ZNF805: variants seen among roughly 807,000 people sequenced by gnomAD.
The protein encoded by ZNF805 is zinc finger protein 805.
In ZNF805, 7 loss-of-function variants were observed where a neutral mutation model predicts 13.6. The ratio of observed to expected loss-of-function variants is 0.51; its 90% CI spans 0.29 to 0.97. The LOEUF (loss-of-function observed/expected upper bound fraction) is 0.97, where lower values mean the gene tolerates loss of function less well. Among genes scored for constraint, ZNF805 ranks in the 50% least tolerant of loss-of-function variants. ZNF805 has a pLI of 0.08. For synonymous variants in ZNF805, 293 were observed against 279.8 expected, an observed-to-expected ratio of 1.05 and a Z score of -0.47; for missense variants, 604 against 771.0, an observed-to-expected ratio of 0.78 and a Z score of 2.57.
intron 3 of ZNF805, 140 bp from the exon 4 acceptor site, chr19:57,252,933 A>C: frequency 1.5e-6 from 1 of 666,178 alleles, no homozygotes; most frequent in Non-Finnish European, 2.2e-6. Flanking sequence ...AACAAATTAT[A>C]GATCTGGGGT....
chr19:57,262,198 C>T lies in ZNF805; in HGVS notation c.*7495C>T, dbSNP rs2030065487. 2 of 167,088 alleles carry T rather than the reference C, an allele frequency of 1.2e-5. No homozygotes were observed. The highest frequency in any genetic ancestry group is 2.9e-5 in the Non-Finnish European group (2 of 68,126). The allele number at this position is 167,088 out of a possible 1,614,324, so 10.4% of individuals were successfully genotyped here. A position where few individuals can be genotyped will look rare whatever the true frequency, so the allele number is the denominator to read the frequency against. ...TCAAAGAATAGCAGTCTCTGGCCTG[C>T]TCTGTTCTCTTTTTCACAGTAACTT... On this transcript the variant is annotated 3_prime_UTR_variant, in exon 4 of 4. Transcript: ENST00000414468.
At chr19:57,252,893 A>G (rs1294800875) in intron 3 of ZNF805, among the ~76,000 whole-genome samples, 180 bp from the exon 4 acceptor site, 1 of 152,226 alleles carries the variant, frequency 6.6e-6, no homozygotes, top group Non-Finnish European at 1.5e-5. Flanking sequence ...CTCCCTTTCA[A>G]GGAGTCAGGA....
At chr19:57,242,709 C>T (rs1238836166) in intron 1 of ZNF805, among the ~76,000 whole-genome samples, 1 of 152,192 alleles carries the variant, frequency 6.6e-6, no homozygotes, top group Non-Finnish European at 1.5e-5. Context: ...GCATTTGGTA[C>T]TTGTGAATTT....
rs2087720801 is a variant in ZNF805, at chr19:57,261,014, A to G, written c.*6311A>G. 6.6e-6 allele frequency among the ~76,000 whole-genome samples: 1 copy of G among 152,158 alleles called. No individual in the cohort carries two copies. Among genetic ancestry groups the G allele is most frequent in the Non-Finnish European group, 1.5e-5 (1 of 68,012 alleles). On this transcript the variant is annotated 3_prime_UTR_variant, in exon 4 of 4. Transcript: ENST00000414468. Reference sequence around the variant, plus strand: ...AACTGAGGTACAGAAAGATTAAGGAATTTGTCAAAGATTTCACAATTATGA... The same window carrying G: ...AACTGAGGTACAGAAAGATTAAGGAGTTTGTCAAAGATTTCACAATTATGA...
Position 57,254,127 on chromosome 19 carries a change from C to T in ZNF805, c.1308C>T (p.Phe436=), listed in dbSNP as rs772624783. 4.3e-6 allele frequency: 7 copies of T among 1,613,736 alleles called. No homozygotes were observed. The highest frequency in any genetic ancestry group is 1.7e-5 in the Admixed American group (1 of 59,960). ...TGTGTAGTGAATGCGGAAAGGCCTT[C>T]ACCCACTGCTCTACTTTCATCTTGC... ...PYVCSECGKA[F]THCSTFILHK... is the part of the protein sequence containing the mutation. The change falls in exon 4 of 4, where the codon TTC becomes TTT. Residue 436 remains phenylalanine, a synonymous_variant. Coordinates refer to ENST00000414468, the MANE Select transcript of ZNF805 (RefSeq NM_001023563.4).
At chr19:57,242,990 G>A (rs932883510) in intron 1 of ZNF805, among the ~76,000 whole-genome samples, 9 of 151,858 alleles carry the variant, frequency 5.9e-5, no homozygotes, top group African/African-American at 2.2e-4. Context: ...GGAGGCTGAG[G>A]TGAGAGGATC....
At position 57,241,174 on chromosome 19, in the gene ZNF805, C is replaced by G. The variant is rs116891078; in HGVS notation, c.30+253C>G. Among the ~76,000 whole-genome samples, 101 of 152,174 alleles carry G rather than the reference C, an allele frequency of 6.6e-4. 1 individual carries two copies. The highest frequency in any genetic ancestry group is 3.4e-3 in the Middle Eastern group (1 of 294). On this transcript the variant is annotated intron_variant, in intron 1 of 3. Transcript: ENST00000414468. ...TACAATTTTTTTGTAGCAACCTGCC[C>G]AGGAAACCAGCCTCCTGTTCTGCAA...
rs1326814871 is a variant in ZNF805 at position 57,261,988 on chromosome 19, C to T, written c.*7285C>T. On this transcript the variant is annotated 3_prime_UTR_variant, in exon 4 of 4. Transcript: ENST00000414468. ...GTTCCAGGAAGTCGTCTTGAGCACCCATTGCTCAGAGTTTATATTGGACTT... is the reference window on the plus strand; with the variant it reads ...GTTCCAGGAAGTCGTCTTGAGCACCTATTGCTCAGAGTTTATATTGGACTT... The T allele has an allele frequency of 6.0e-6, 1 of 165,954 alleles. No homozygotes were observed. Among genetic ancestry groups the T allele is most frequent in the African/African-American group, 2.4e-5 (1 of 41,448 alleles). 10.3% of individuals were successfully genotyped at this position (165,954 alleles called of 1,614,324 possible). A position where few individuals can be genotyped will look rare whatever the true frequency, so the allele number is the denominator to read the frequency against.
At position 57,258,481 on chromosome 19, in the gene ZNF805, T is replaced by G. The variant is rs2122851435; in HGVS notation, c.*3778T>G. Among the ~76,000 whole-genome samples, 1 of 149,318 alleles carries G rather than the reference T, an allele frequency of 6.7e-6. No homozygotes were observed. The highest frequency in any genetic ancestry group is 2.1e-4 in the South Asian group (1 of 4,782). ...TAACATTTTTTAGAATTCCATTTGATATATTTGTAGTGTTTTTTAAATATA... is the reference window on the plus strand; with the variant it reads ...TAACATTTTTTAGAATTCCATTTGAGATATTTGTAGTGTTTTTTAAATATA... On this transcript the variant is annotated 3_prime_UTR_variant, in exon 4 of 4. Transcript: ENST00000414468.
intron 2 of ZNF805, 150 bp downstream of exon 2, chr19:57,244,199 CT>C (rs1200854107): frequency 0.098 from 28,331 of 288,428 alleles, no homozygotes; most frequent in South Asian, 0.14. Context: ...TCACCTCTTC[CT>C]TTTTTTTTTT....
At chr19:57,248,726 G>C in intron 3 of ZNF805, 26 bp downstream of exon 3, 2 of 1,557,704 alleles carry the variant, frequency 1.3e-6, no homozygotes, top group East Asian at 2.3e-5. Context: ...TGGGCAGGTC[G>C]GAGTCCCTGC....
At chr19:57,241,773 C>A (rs1414372714) in intron 1 of ZNF805, among the ~76,000 whole-genome samples, 2 of 152,228 alleles carry the variant, frequency 1.3e-5, no homozygotes, top group Non-Finnish European at 2.9e-5. Flanking sequence ...ACAGTTCATT[C>A]AGCCTCAGAC....
chr19:57,241,307 C>G (rs1465377095), intron 1 of ZNF805, among the ~76,000 whole-genome samples: 1 of 151,942 alleles, frequency 6.6e-6, no homozygotes, highest in East Asian at 1.9e-4. Context: ...ACAGTAGGCC[C>G]CAAATAGGAC....
rs2087672957 is a variant in ZNF805 at position 57,254,338 on chromosome 19, G to A, written c.1519G>A (p.Gly507Arg). ...CACAAGGCACCAGCGGATTCATAGT[G>A]GAGAGAAGCCCTATGAATGCATCGA... ...GLTRHQRIHSGEKPYECIECG... is the reference protein window; with the variant it reads ...GLTRHQRIHSREKPYECIECG... Residue 507 changes from glycine to arginine, a missense_variant, in exon 4 of 4, where the codon GGA (glycine) becomes AGA (arginine). Gly to Arg is a moderately radical substitution (Grantham distance 125, BLOSUM62 -2). This residue lies in a region of ZNF805 where 228 missense variants were observed against 352.8 expected (regional missense o/e 0.65). Coordinates refer to ENST00000414468, the MANE Select transcript of ZNF805 (RefSeq NM_001023563.4). 6.2e-7 allele frequency: 1 copy of A among 1,614,074 alleles called. No individual in the cohort carries two copies.
At chr19:57,250,953 A>G (rs1033943369) in intron 3 of ZNF805, among the ~76,000 whole-genome samples, 1 of 152,232 alleles carries the variant, frequency 6.6e-6, no homozygotes, top group African/African-American at 2.4e-5. Flanking sequence ...TGTACTCAAC[A>G]TAAAAATATG....
Position 57,261,088 on chromosome 19 carries a change from G to A in ZNF805, c.*6385G>A, listed in dbSNP as rs2087721174. On this transcript the variant is annotated 3_prime_UTR_variant, in exon 4 of 4. Coordinates refer to ENST00000414468, the MANE Select transcript of ZNF805 (RefSeq NM_001023563.4). ...CCACTGCACTGGCTTCAGAATCCATGTCCTTAACCACTTTATTGCTTCTCA... is the reference window on the plus strand; with the variant it reads ...CCACTGCACTGGCTTCAGAATCCATATCCTTAACCACTTTATTGCTTCTCA... 6.6e-6 allele frequency among the ~76,000 whole-genome samples: 1 copy of A among 152,198 alleles called. No individual in the cohort carries two copies. Among genetic ancestry groups the A allele is most frequent in the Admixed American group, 6.5e-5 (1 of 15,284 alleles).
intron 1 of ZNF805, among the ~76,000 whole-genome samples, chr19:57,242,717 T>C (rs916414366): frequency 6.6e-6 from 1 of 152,154 alleles, no homozygotes; most frequent in Non-Finnish European, 1.5e-5. Flanking sequence ...TACTTGTGAA[T>C]TTGGTGATGA....
At chr19:57,247,379 C>T (rs1437155904) in intron 2 of ZNF805, among the ~76,000 whole-genome samples, 2 of 152,182 alleles carry the variant, frequency 1.3e-5, no homozygotes, top group Non-Finnish European at 1.5e-5. Context: ...TCGTGGTTTC[C>T]TCCTTACTGT....
chr19:57,252,975 C>A, intron 3 of ZNF805, 98 bp from the exon 4 acceptor site: 1 of 1,087,736 alleles, frequency 9.2e-7, no homozygotes, highest in Non-Finnish European at 1.2e-6. Flanking sequence ...GACATAAAGG[C>A]ACCATTTATA....
Sources: allele counts gnomAD v4.1 joint callset (sites outside exome capture counted in the v4.1 genomes callset), GRCh38; gene constraint gnomAD v4.1.1; regional missense constraint gnomAD v4.1.1; transcripts MANE v1.5; gene names NCBI Gene and HGNC (gene_info 2026-07-23, HGNC 2026-07-21).